UACA: variants seen among roughly 807,000 people sequenced by gnomAD.
UACA encodes the protein nuclear membrane binding protein.
A neutral mutation model predicts 160.5 loss-of-function variants in UACA; 112 were observed. The ratio of observed to expected loss-of-function variants is 0.70; its 90% CI spans 0.60 to 0.82. The LOEUF is 0.82. Ranked by LOEUF, UACA falls within the 40% of genes least tolerant of loss-of-function variation. UACA has a pLI of 0.00. For missense variants in UACA, 1,574 were observed against 1,614.6 expected (o/e 0.97, Z 0.43); for synonymous variants, 557 against 568.4 (o/e 0.98, Z 0.29).
chr15:70,690,446 C>A lies in UACA; in HGVS notation c.424+8G>T, dbSNP rs779760926. The stretch of plus-strand genomic sequence containing the variant: ...AAATATTTGTATCCAAGGGAAACCA[C>A]TGCTCACCGGCATCGTGAAGTGCAG... On this transcript the variant is annotated splice_region_variant and intron_variant, in intron 5 of 18. Transcript: ENST00000322954. 1 of 1,612,404 alleles carries A rather than the reference C, an allele frequency of 6.2e-7. No individual in the cohort carries two copies. Among genetic ancestry groups the A allele is most frequent in the Non-Finnish European group, 8.5e-7 (1 of 1,179,154 alleles).
At chr15:70,687,943 A>G (rs1212067403) in intron 5 of UACA, 123 bp from the exon 6 acceptor site, 3 of 862,352 alleles carry the variant, frequency 3.5e-6, no homozygotes, top group Non-Finnish European at 5.4e-6. Flanking sequence ...CACGTCCTTC[A>G]CTCTTAGTTT....
intron 2 of UACA, among the ~76,000 whole-genome samples, chr15:70,695,540 C>T (rs1245072792): frequency 6.6e-6 from 1 of 152,112 alleles, no homozygotes; most frequent in Non-Finnish European, 1.5e-5. Context: ...AAACACTTAC[C>T]TTTTCTCTTT....
chr15:70,772,593 T>G, the UACA span, among the ~76,000 whole-genome samples: 1 of 151,888 alleles, frequency 6.6e-6, no homozygotes, highest in Non-Finnish European at 1.5e-5. Context: ...AGTCAAGAGT[T>G]CTGTTTGGTC....
intron 13 of UACA, 147 bp from the exon 14 acceptor site, chr15:70,672,148 C>A (rs867398017): frequency 5.6e-6 from 3 of 531,714 alleles, no homozygotes; most frequent in Non-Finnish European, 3.1e-6. Flanking sequence ...CTCAAACCCA[C>A]AAAAAGAAAC....
intron 1 of UACA, among the ~76,000 whole-genome samples, chr15:70,712,594 A>G (rs938428081): frequency 2.0e-5 from 3 of 152,004 alleles, no homozygotes; most frequent in African/African-American, 2.4e-5. Context: ...GGAGTCCAAA[A>G]CTCCCTGCAC....
chr15:70,663,790 G>A (rs1045333276), intron 17 of UACA, among the ~76,000 whole-genome samples: 1 of 147,014 alleles, frequency 6.8e-6, no homozygotes, highest in Non-Finnish European at 1.5e-5. Context: ...AACACTGCAT[G>A]TTCTCACTCA....
intron 1 of UACA, among the ~76,000 whole-genome samples, chr15:70,756,384 C>T (rs949470890): frequency 6.6e-6 from 1 of 151,402 alleles, no homozygotes; most frequent in South Asian, 2.1e-4. Flanking sequence ...TGGTCTCGAA[C>T]TCCTGACCTC....
At chr15:70,700,244 C>A (rs368210233) in intron 1 of UACA, among the ~76,000 whole-genome samples, 8 of 148,188 alleles carry the variant, frequency 5.4e-5, no homozygotes, top group East Asian at 2.0e-4. Context: ...CTACCCCCCC[C>A]CAACACAGAC....
intron 1 of UACA, among the ~76,000 whole-genome samples, chr15:70,744,638 G>A (rs1275517485): frequency 6.6e-6 from 1 of 152,160 alleles, no homozygotes; most frequent in Non-Finnish European, 1.5e-5. Context: ...TGGTCCTCAG[G>A]GGTGACAGAA....
Position 70,657,094 on chromosome 15 carries a change from G to A in UACA, c.4213C>T (p.Leu1405Phe), listed in dbSNP as rs954400470. 9.9e-6 allele frequency: 16 copies of A among 1,614,160 alleles called. No homozygotes were observed. Among genetic ancestry groups the A allele is most frequent in the Non-Finnish European group, 1.3e-5 (15 of 1,180,004 alleles). ...CCCTGCCGCATTTGTATGATCTGGA[G>A]CAGAGCCTCCTGAACATCTTCATCC... is the stretch of plus-strand genomic sequence containing the variant. ...HMDEDVQEAL[L>F]QIIQMRQGLV... is the part of the protein sequence containing the mutation. The change falls in exon 19 of 19, where the codon CTC becomes TTC. Residue 1405 changes from leucine (L) to phenylalanine (F), a missense_variant. Leu to Phe is a conservative substitution (Grantham distance 22). Transcript: ENST00000322954.
At chr15:70,746,832 A>G (rs935817754) in intron 1 of UACA, among the ~76,000 whole-genome samples, 2 of 152,202 alleles carry the variant, frequency 1.3e-5, no homozygotes, top group African/African-American at 2.4e-5. Context: ...TGTCCTTCAC[A>G]GGGACATGGA....
At chr15:70,693,622 G>A (rs1372232293) in intron 3 of UACA, among the ~76,000 whole-genome samples, 1 of 151,960 alleles carries the variant, frequency 6.6e-6, no homozygotes, top group Non-Finnish European at 1.5e-5. Flanking sequence ...GTATGTTGGG[G>A]TGCAATATAT....
chr15:70,722,985 AT>A (rs1899036470), intron 1 of UACA, among the ~76,000 whole-genome samples: 1 of 152,208 alleles, frequency 6.6e-6, no homozygotes, highest in African/African-American at 2.4e-5. Flanking sequence ...TTTTGAGTGA[AT>A]TTCTATTAAC....
At chr15:70,736,719 G>A (rs757907178) in intron 1 of UACA, among the ~76,000 whole-genome samples, 2 of 152,138 alleles carry the variant, frequency 1.3e-5, no homozygotes, top group Non-Finnish European at 2.9e-5. Context: ...GGGTACAGGC[G>A]TGAGCCACCG....
At chr15:70,765,364 A>G (rs2030983174), upstream of UACA, among the ~76,000 whole-genome samples, 1 of 152,110 alleles carries the variant, frequency 6.6e-6, no homozygotes, top group South Asian at 2.1e-4. Context: ...ACTGTATGCA[A>G]TATATTCTCT....
intron 1 of UACA, among the ~76,000 whole-genome samples, chr15:70,749,925 G>A (rs2029936297): frequency 6.6e-6 from 1 of 151,974 alleles, no homozygotes. Flanking sequence ...TATGGACAGT[G>A]CTCTCTCTCT....
intron 2 of UACA, among the ~76,000 whole-genome samples, chr15:70,696,223 C>T (rs1898123498): frequency 6.6e-6 from 1 of 152,112 alleles, no homozygotes; most frequent in Non-Finnish European, 1.5e-5. Context: ...CTCCTAGTTC[C>T]CCCAATCCCT....
Position 70,687,730 on chromosome 15 carries a change from A to G in UACA, c.495+20T>C, listed in dbSNP as rs1265706136. 4.3e-6 allele frequency: 7 copies of G among 1,613,362 alleles called. No homozygotes were observed. The highest frequency in any genetic ancestry group is 5.1e-6 in the Non-Finnish European group (6 of 1,179,438). On this transcript the variant is annotated intron_variant, in intron 6 of 18. Transcript: ENST00000322954. ...TTAGAATGCATGAGTTGAAATGAGAATAAACATAAACTAACTTACTACATC... is the reference window on the plus strand; with the variant it reads ...TTAGAATGCATGAGTTGAAATGAGAGTAAACATAAACTAACTTACTACATC...
the UACA span, among the ~76,000 whole-genome samples, chr15:70,778,155 C>A: frequency 5.3e-5 from 8 of 151,286 alleles, no homozygotes; most frequent in Non-Finnish European, 1.5e-5. Flanking sequence ...GAGCTGTGAT[C>A]GTGCCATTGC....
Sources: gnomAD v4.1 joint callset for allele counts (sites outside exome capture counted in the v4.1 genomes callset) on GRCh38, gnomAD v4.1.1 for gene constraint, MANE v1.5 for transcripts, NCBI Gene and HGNC (gene_info 2026-07-23, HGNC 2026-07-21) for gene names.